JMJD1C: variants seen among roughly 807,000 people sequenced by gnomAD.
JMJD1C encodes jumonji domain-containing protein 1C.
Under a neutral mutation model 245.3 loss-of-function variants are expected in JMJD1C, and 31 were observed. That is an observed-to-expected ratio of 0.13 (90% CI 0.09 to 0.17). The LOEUF (loss-of-function observed/expected upper bound fraction) is 0.17, where lower values mean the gene tolerates loss of function less well. Among genes scored for constraint, JMJD1C ranks in the 10% least tolerant of loss-of-function variants. JMJD1C has a pLI of 1.00. For missense variants in JMJD1C, 2,691 were observed against 3,000.2 expected (o/e 0.90, Z 2.41); for synonymous variants, 1,057 against 1,017.4 (o/e 1.04, Z -0.74).
chr10:63,345,747 T>C (rs1370347730), intron 2 of JMJD1C, among the ~76,000 whole-genome samples: 2 of 152,166 alleles, frequency 1.3e-5, no homozygotes, highest in African/African-American at 4.8e-5. Flanking sequence ...AGTGGTTACC[T>C]GAGTCTATGA....
intron 2 of JMJD1C, among the ~76,000 whole-genome samples, chr10:63,270,837 A>G (rs1332728139): frequency 1.3e-5 from 2 of 152,194 alleles, no homozygotes; most frequent in African/African-American, 4.8e-5. Flanking sequence ...CTACTCAATA[A>G]ATCAAAGAGC....
intron 1 of JMJD1C, among the ~76,000 whole-genome samples, chr10:63,405,125 CATGT>C (rs1192589495): frequency 2.0e-5 from 3 of 152,156 alleles, no homozygotes; most frequent in Non-Finnish European, 4.4e-5. Flanking sequence ...TTATACAACA[CATGT>C]ATGTACATTC....
At chr10:63,364,019 C>G (rs542363491) in intron 2 of JMJD1C, among the ~76,000 whole-genome samples, 1 of 151,584 alleles carries the variant, frequency 6.6e-6, no homozygotes, top group African/African-American at 2.4e-5. Flanking sequence ...CCATTCTTGG[C>G]TAATTTTTGT....
At chr10:63,462,107 C>T (rs1416620082) in intron 1 of JMJD1C, among the ~76,000 whole-genome samples, 2 of 152,102 alleles carry the variant, frequency 1.3e-5, no homozygotes, top group Non-Finnish European at 2.9e-5. Flanking sequence ...AAAAGGTTCA[C>T]AATGTGCTGT....
intron 2 of JMJD1C, among the ~76,000 whole-genome samples, chr10:63,307,603 C>T (rs1347457137): frequency 1.3e-5 from 2 of 151,974 alleles, no homozygotes; most frequent in East Asian, 3.9e-4. Context: ...GAATCTTAAA[C>T]AGGCATAAGA....
intron 2 of JMJD1C, among the ~76,000 whole-genome samples, chr10:63,313,252 T>A (rs1002965511): frequency 6.6e-6 from 1 of 152,212 alleles, no homozygotes; most frequent in African/African-American, 2.4e-5. Context: ...TCCAATCCCA[T>A]CCAGGTTGTT....
chr10:63,268,595 G>T, intron 2 of JMJD1C: 2 of 554,388 alleles, frequency 3.6e-6, no homozygotes, highest in Non-Finnish European at 4.6e-6. Flanking sequence ...TAATTTCTCA[G>T]GCTGAGAAGA....
intron 1 of JMJD1C, among the ~76,000 whole-genome samples, chr10:63,500,184 G>C (rs1392714529): frequency 6.6e-6 from 1 of 152,212 alleles, no homozygotes. Flanking sequence ...CACTGTGGGA[G>C]GCCGAGGCGG....
At chr10:63,275,866 G>A (rs940105236) in intron 2 of JMJD1C, among the ~76,000 whole-genome samples, 11 of 152,048 alleles carry the variant, frequency 7.2e-5, no homozygotes, top group East Asian at 1.9e-4. Context: ...CAGGATACAC[G>A]CAAATTTTAA....
intron 10 of JMJD1C, chr10:63,204,545 A>C: frequency 3.0e-6 from 3 of 985,424 alleles, no homozygotes; most frequent in Non-Finnish European, 3.6e-6. Context: ...ACACCAAAGG[A>C]AATGTCATAT....
At chr10:63,276,907 G>A (rs10822151) in intron 2 of JMJD1C, among the ~76,000 whole-genome samples, 1 of 122,380 alleles carries the variant, frequency 8.2e-6, no homozygotes, top group Non-Finnish European at 1.6e-5. Context: ...TTTTTTGAGA[G>A]AGAGTCTCGC....
chr10:63,172,480 A>C (rs1247552449), intron 24 of JMJD1C, among the ~76,000 whole-genome samples: 3 of 152,254 alleles, frequency 2.0e-5, no homozygotes, highest in Admixed American at 6.5e-5. Flanking sequence ...ATAGAGACTT[A>C]TTAATAATAC....
chr10:63,209,082 A>T lies in JMJD1C; in HGVS notation c.2848T>A (p.Leu950Ile), dbSNP rs374915156. 6.2e-7 allele frequency: 1 copy of T among 1,613,222 alleles called. No individual in the cohort carries two copies. The highest frequency in any genetic ancestry group is 8.5e-7 in the Non-Finnish European group (1 of 1,179,556). The change falls in exon 9 of 26, where the codon TTA (leucine) becomes ATA (isoleucine). Residue 950 changes from leucine (L) to isoleucine (I), a missense_variant. Leu to Ile is a conservative substitution (Grantham distance 5, BLOSUM62 2). This residue lies in a region of JMJD1C where 1,562 missense variants were observed against 1,490.7 expected (regional missense o/e 1.05). Coordinates refer to ENST00000399262, the MANE Select transcript of JMJD1C (RefSeq NM_032776.3). ...ACTTACTCCTTATGATGATCTACTA[A>T]AGTTTTTGTCAATGGTGGACTGGAA... The part of the protein sequence containing the change: ...AHSSPPLTKT[L>I]VDHHKEELER...
chr10:63,412,859 A>T (rs1261953645), intron 1 of JMJD1C, among the ~76,000 whole-genome samples: 1 of 152,206 alleles, frequency 6.6e-6, no homozygotes, highest in African/African-American at 2.4e-5. Flanking sequence ...AATTGCTGCA[A>T]ATCTCTAAAA....
In JMJD1C at chr10:63,463,415, T is replaced by C. The variant is rs534807351; in HGVS notation, c.168+2080A>G. Reference sequence around the variant, plus strand: ...ACTCCTGCGCTCAAGTATCTTCCCATCTCAGTCTCCCAAAGTGTTGGGTTT... The same window carrying C: ...ACTCCTGCGCTCAAGTATCTTCCCACCTCAGTCTCCCAAAGTGTTGGGTTT... On this transcript the variant is annotated intron_variant, in intron 1 of 25. Coordinates refer to ENST00000399262, the MANE Select transcript of JMJD1C (RefSeq NM_032776.3). 5.3e-5 allele frequency among the ~76,000 whole-genome samples: 8 copies of C among 152,272 alleles called. No homozygotes were observed. The South Asian group carries it at 1.7e-3, about 32-fold the overall frequency.
chr10:63,385,489 G>A (rs1158883286), intron 1 of JMJD1C, among the ~76,000 whole-genome samples: 1 of 133,258 alleles, frequency 7.5e-6, no homozygotes, highest in Non-Finnish European at 1.5e-5. Flanking sequence ...CCAGGCTGGA[G>A]TATAGTGGTA....
chr10:63,220,119 G>C, intron 3 of JMJD1C, 136 bp from the exon 4 acceptor site: 1 of 542,000 alleles, frequency 1.8e-6, no homozygotes, highest in South Asian at 3.5e-5. Context: ...AAATTCATGA[G>C]TTATAGTTCA....
intron 1 of JMJD1C, among the ~76,000 whole-genome samples, chr10:63,430,168 C>G (rs766531677): frequency 1.3e-5 from 2 of 152,170 alleles, no homozygotes; most frequent in Non-Finnish European, 2.9e-5. Flanking sequence ...TGGGAAATTA[C>G]TTCACACCAT....
chr10:63,200,570 A>C lies in JMJD1C; in HGVS notation c.5182T>G (p.Leu1728Val). The change falls in exon 11 of 26, where the codon TTA becomes GTA. Residue 1728 changes from leucine (L) to valine (V), a missense_variant. Coordinates refer to ENST00000399262, the MANE Select transcript of JMJD1C (RefSeq NM_032776.3). ...AGTCTACATTCTCGACACTTTTGTA[A>C]ATTAGGCCCTATCTCACAGCAGGAG... ...DDSCCEIGPN[L>V]QKCRECRLIR... 6.2e-7 allele frequency: 1 copy of C among 1,613,946 alleles called. No homozygotes were observed. Among genetic ancestry groups the C allele is most frequent in the Non-Finnish European group, 8.5e-7 (1 of 1,179,928 alleles).
Sources: allele counts gnomAD v4.1 joint callset (sites outside exome capture counted in the v4.1 genomes callset), GRCh38; gene constraint gnomAD v4.1.1; regional missense constraint gnomAD v4.1.1; transcripts MANE v1.5; gene names NCBI Gene and HGNC (gene_info 2026-07-23, HGNC 2026-07-21).